HPSE2: variants seen among roughly 807,000 people sequenced by gnomAD.
HPSE2 encodes inactive heparanase-2.
A neutral mutation model predicts 60.5 loss-of-function variants in HPSE2; 38 were observed. The ratio of observed to expected loss-of-function variants is 0.63; its 90% CI spans 0.48 to 0.82. HPSE2 has a LOEUF of 0.82. HPSE2 is among the 40% of genes least tolerant of loss of function. The pLI, the probability that HPSE2 is intolerant of heterozygous loss-of-function variation, is 0.00. For synonymous variants in HPSE2, 295 were observed against 293.2 expected (o/e 1.01, Z -0.06); for missense variants, 713 against 740.4 (o/e 0.96, Z 0.43).
chr10:98,540,420 G>A (rs1020501626), intron 9 of HPSE2, among the ~76,000 whole-genome samples: 4 of 152,172 alleles, frequency 2.6e-5, no homozygotes, highest in African/African-American at 4.8e-5. Context: ...GCCCATGACC[G>A]TGACCGTCGT....
the HPSE2 span, among the ~76,000 whole-genome samples, chr10:99,256,699 T>C: frequency 6.6e-6 from 1 of 152,184 alleles, no homozygotes; most frequent in African/African-American, 2.4e-5. Context: ...TGAATGTCTT[T>C]ATAGAAAATC....
At chr10:99,062,138 G>C (rs1483767412) in intron 3 of HPSE2, among the ~76,000 whole-genome samples, 1 of 151,954 alleles carries the variant, frequency 6.6e-6, no homozygotes, top group African/African-American at 2.4e-5. Flanking sequence ...TACATCCTAG[G>C]GCAGTGTTCT....
At chr10:99,161,452 A>G (rs1846841411) in intron 2 of HPSE2, among the ~76,000 whole-genome samples, 1 of 152,206 alleles carries the variant, frequency 6.6e-6, no homozygotes, top group African/African-American at 2.4e-5. Context: ...AAGAAGCCAG[A>G]CACAAAAAGA....
chr10:98,799,357 A>C (rs1220775036), intron 3 of HPSE2, among the ~76,000 whole-genome samples: 1 of 152,178 alleles, frequency 6.6e-6, no homozygotes, highest in Admixed American at 6.6e-5. Flanking sequence ...TCAACACCCC[A>C]CTTTCAGCAT....
intron 9 of HPSE2, among the ~76,000 whole-genome samples, chr10:98,541,315 TA>T (rs763206760): frequency 9.2e-5 from 14 of 151,582 alleles, no homozygotes; most frequent in African/African-American, 2.4e-4. Context: ...ACAAACCACT[TA>T]AAAAAAAACT....
At chr10:98,719,047 A>G (rs1948857853) in intron 5 of HPSE2, among the ~76,000 whole-genome samples, 1 of 152,202 alleles carries the variant, frequency 6.6e-6, no homozygotes, top group Non-Finnish European at 1.5e-5. Context: ...ACATTGGTAT[A>G]GTTTCATAAA....
At chr10:99,312,058 G>A in the HPSE2 span, among the ~76,000 whole-genome samples, 1 of 152,198 alleles carries the variant, frequency 6.6e-6, no homozygotes. Context: ...AGAGAGGTGA[G>A]GAAGTTGCCC....
intron 3 of HPSE2, among the ~76,000 whole-genome samples, chr10:98,827,294 G>C (rs2801407): frequency 0.86 from 130,303 of 151,920 alleles, 56,256 homozygotes; most frequent in African/African-American, 0.95. Context: ...CAAGCTCTGT[G>C]TCCTGGGTTC....
intron 3 of HPSE2, among the ~76,000 whole-genome samples, chr10:98,960,354 T>C (rs1203030639): frequency 6.6e-6 from 1 of 152,180 alleles, no homozygotes; most frequent in East Asian, 1.9e-4. Context: ...GTTTATACTG[T>C]CTTTATTTTT....
At chr10:98,499,950 C>T (rs971407564) in intron 9 of HPSE2, among the ~76,000 whole-genome samples, 2 of 152,028 alleles carry the variant, frequency 1.3e-5, no homozygotes, top group Non-Finnish European at 2.9e-5. Flanking sequence ...TGGTAAAAGG[C>T]CTTGGCTAAC....
rs188318476 is a variant in HPSE2 at position 98,928,894 on chromosome 10, C to G, written c.611-184838G>C. On this transcript the variant is annotated intron_variant, in intron 3 of 11. Transcript: ENST00000370552. Reference sequence around the variant, plus strand: ...GGGAGATATGCCTAATGCTAGATGACGAGGTAGTGGGTGCAGCGCACCAGC... The same window carrying G: ...GGGAGATATGCCTAATGCTAGATGAGGAGGTAGTGGGTGCAGCGCACCAGC... Among the ~76,000 whole-genome samples, 1,123 of 137,910 alleles carry G rather than the reference C, an allele frequency of 8.1e-3. 218 individuals are homozygous for G. Among genetic ancestry groups the G allele is most frequent in the African/African-American group, 0.033 (1,079 of 32,448 alleles). The allele number at this position is 137,910 out of a possible 152,430, so 90.5% of individuals were successfully genotyped here.
chr10:98,469,224 T>C (rs1295564445), intron 11 of HPSE2, among the ~76,000 whole-genome samples: 5 of 152,138 alleles, frequency 3.3e-5, no homozygotes, highest in Non-Finnish European at 5.9e-5. Flanking sequence ...AACCTGGATT[T>C]ATACTGATAT....
At chr10:99,306,558 G>GC in the HPSE2 span, among the ~76,000 whole-genome samples, 1 of 152,062 alleles carries the variant, frequency 6.6e-6, no homozygotes, top group East Asian at 1.9e-4. Context: ...TGTATGTGTG[G>GC]CATCATTAGT....
At chr10:98,837,829 G>C (rs1951825546) in intron 3 of HPSE2, among the ~76,000 whole-genome samples, 1 of 151,260 alleles carries the variant, frequency 6.6e-6, no homozygotes, top group African/African-American at 2.4e-5. Flanking sequence ...AGCCGAGATC[G>C]TGCCACTGCA....
At chr10:98,692,861 C>G (rs765822845) in intron 6 of HPSE2, among the ~76,000 whole-genome samples, 3 of 152,198 alleles carry the variant, frequency 2.0e-5, no homozygotes, top group Non-Finnish European at 2.9e-5. Flanking sequence ...TAAATGTAGA[C>G]TGAAATATTT....
At chr10:98,662,574 C>T (rs1947253411) in intron 6 of HPSE2, among the ~76,000 whole-genome samples, 1 of 152,090 alleles carries the variant, frequency 6.6e-6, no homozygotes, top group Non-Finnish European at 1.5e-5. Flanking sequence ...TGGGAGGAGG[C>T]AGAGGATCAG....
intron 3 of HPSE2, among the ~76,000 whole-genome samples, chr10:99,072,848 G>C (rs1198965325): frequency 2.1e-5 from 3 of 145,756 alleles, no homozygotes; most frequent in Non-Finnish European, 4.5e-5. Context: ...AGAATTGCTT[G>C]AACCTGGGAG....
At chr10:98,891,029 TA>T (rs1363118136) in intron 3 of HPSE2, among the ~76,000 whole-genome samples, 2 of 152,238 alleles carry the variant, frequency 1.3e-5, no homozygotes, top group Non-Finnish European at 2.9e-5. Context: ...ATAGGTACTT[TA>T]AAATTTATGA....
chr10:98,790,693 A>G (rs1302371353), intron 3 of HPSE2, among the ~76,000 whole-genome samples: 1 of 152,218 alleles, frequency 6.6e-6, no homozygotes, highest in Non-Finnish European at 1.5e-5. Context: ...AGCTTTACTG[A>G]ATATTTCTAC....
Sources: allele counts gnomAD v4.1 joint callset (sites outside exome capture counted in the v4.1 genomes callset), GRCh38; gene constraint gnomAD v4.1.1; transcripts MANE v1.5; gene names NCBI Gene and HGNC (gene_info 2026-07-23, HGNC 2026-07-21).